Variants in HDAC9 observed in about 807,000 individuals in gnomAD.
HDAC9 encodes histone deacetylase 9, also known as MEF-2 interacting transcription repressor (MITR) protein.
Under a neutral mutation model 139.4 loss-of-function variants are expected in HDAC9, and 41 were observed. The ratio of observed to expected loss-of-function variants is 0.29; its 90% CI spans 0.23 to 0.38. HDAC9 has a LOEUF of 0.38. HDAC9 is among the 10% of genes least tolerant of loss of function. HDAC9 has a pLI of 1.00. For missense variants in HDAC9, 1,147 were observed against 1,297.0 expected (o/e 0.88, Z 1.78); for synonymous variants, 517 against 476.2 (o/e 1.09, Z -1.12).
intron 22 of HDAC9, among the ~76,000 whole-genome samples, chr7:18,931,616 A>C (rs1804750762): frequency 6.6e-6 from 1 of 152,160 alleles, no homozygotes; most frequent in Admixed American, 6.5e-5. Context: ...AGAAGGGAAA[A>C]TCTAGGCAGT....
chr7:18,268,918 C>G lies in HDAC9; in HGVS notation c.25+106569C>G, dbSNP rs527279246. ...AAAACAATTGAATAGCTTTTATTGCCACCAGCTGTGCTGTGGTTATTTGAA... is the reference window on the plus strand; with the variant it reads ...AAAACAATTGAATAGCTTTTATTGCGACCAGCTGTGCTGTGGTTATTTGAA... On this transcript the variant is annotated intron_variant, in intron 2 of 12. Coordinates refer to the HDAC9 transcript ENST00000417496. Among the ~76,000 whole-genome samples the G allele has an allele frequency of 8.5e-5, 13 of 152,252 alleles. No homozygotes were observed. In the South Asian group the frequency reaches 1.2e-3, roughly 15 times the overall value.
In HDAC9 at chr7:18,901,885, A is replaced by C. The variant is rs1348144353; in HGVS notation, c.2803+27289A>C. Among the ~76,000 whole-genome samples, 3 of 152,150 alleles carry C rather than the reference A, an allele frequency of 2.0e-5. No homozygotes were observed. The South Asian group carries it at 6.2e-4, about 32-fold the overall frequency. ...TTTTTATTTGTCCCAAGAGTATGTC[A>C]TATTATTATTTTATGCCAGATTCAA... On this transcript the variant is annotated intron_variant, in intron 22 of 25. Transcript: ENST00000686413.
At chr7:18,822,536 G>A (rs1434079921) in intron 17 of HDAC9, among the ~76,000 whole-genome samples, 1 of 151,968 alleles carries the variant, frequency 6.6e-6, no homozygotes, top group Non-Finnish European at 1.5e-5. Flanking sequence ...TGTGTTTTTA[G>A]TAGAGATGAG....
chr7:18,204,220 GTGGT>G, intron 2 of HDAC9, among the ~76,000 whole-genome samples: 1 of 152,086 alleles, frequency 6.6e-6, no homozygotes, highest in East Asian at 1.9e-4. Flanking sequence ...TCCTTCAGGA[GTGGT>G]TGTTTGATAA....
chr7:18,258,091 T>A (rs2128204913), intron 2 of HDAC9, among the ~76,000 whole-genome samples: 1 of 152,362 alleles, frequency 6.6e-6, no homozygotes, highest in East Asian at 1.9e-4. Flanking sequence ...GAATCATATT[T>A]CCCTTAACTG....
chr7:18,661,834 C>G (rs998234459), intron 11 of HDAC9, among the ~76,000 whole-genome samples: 1 of 152,010 alleles, frequency 6.6e-6, no homozygotes, highest in African/African-American at 2.4e-5. Context: ...AAGAAACTGA[C>G]CGGAACAAAT....
chr7:18,270,920 TTTA>T (rs1379927370), intron 2 of HDAC9, among the ~76,000 whole-genome samples: 2 of 152,154 alleles, frequency 1.3e-5, no homozygotes, highest in Non-Finnish European at 2.9e-5. Flanking sequence ...TCCCTTTAAT[TTTA>T]TTATTCGATT....
chr7:18,310,076 C>T (rs545318073), intron 1 of HDAC9, among the ~76,000 whole-genome samples: 1 of 147,680 alleles, frequency 6.8e-6, no homozygotes, highest in Non-Finnish European at 1.5e-5. Flanking sequence ...TTCAGATGCA[C>T]ACTTTAGCTT....
chr7:18,920,268 G>C (rs1452505272), intron 22 of HDAC9, among the ~76,000 whole-genome samples: 1 of 152,102 alleles, frequency 6.6e-6, no homozygotes, highest in Non-Finnish European at 1.5e-5. Flanking sequence ...AATTGTGAAT[G>C]GGAGTTCACT....
chr7:18,602,714 G>C (rs1400791121), intron 6 of HDAC9, among the ~76,000 whole-genome samples: 1 of 151,668 alleles, frequency 6.6e-6, no homozygotes, highest in African/African-American at 2.4e-5. Context: ...GTTTTATTTA[G>C]AGTCATGTTA....
intron 1 of HDAC9, among the ~76,000 whole-genome samples, chr7:18,487,981 G>C (rs1378647390): frequency 1.3e-5 from 2 of 151,992 alleles, no homozygotes; most frequent in African/African-American, 2.4e-5. Flanking sequence ...TTGGTGTTCA[G>C]AATTTCCAAG....
intron 14 of HDAC9, among the ~76,000 whole-genome samples, chr7:18,754,359 C>T (rs375505343): frequency 4.6e-5 from 7 of 152,054 alleles, no homozygotes; most frequent in African/African-American, 1.7e-4. Flanking sequence ...ATGTGCTCTT[C>T]TGTGGTCAAA....
intron 23 of HDAC9, among the ~76,000 whole-genome samples, chr7:18,936,168 G>T (rs891035442): frequency 6.6e-6 from 1 of 152,106 alleles, no homozygotes; most frequent in Non-Finnish European, 1.5e-5. Flanking sequence ...GTTAGCCATG[G>T]AGCTCAAAAA....
chr7:18,993,803 A>G (rs1786218119), intron 25 of HDAC9, among the ~76,000 whole-genome samples: 1 of 152,188 alleles, frequency 6.6e-6, no homozygotes, highest in Non-Finnish European at 1.5e-5. Context: ...ACCCTGTCTC[A>G]AAAATACATA....
intron 2 of HDAC9, among the ~76,000 whole-genome samples, chr7:18,232,306 T>C (rs1793517065): frequency 6.6e-6 from 1 of 152,034 alleles, no homozygotes; most frequent in Non-Finnish European, 1.5e-5. Flanking sequence ...GTAATTAATA[T>C]GGGGTGTAAT....
intron 1 of HDAC9, among the ~76,000 whole-genome samples, chr7:18,387,955 A>G (rs1786097524): frequency 6.6e-6 from 1 of 151,554 alleles, no homozygotes; most frequent in Admixed American, 6.6e-5. Context: ...AAAAAAAAAG[A>G]AAAAAGCTTT....
chr7:18,839,404 A>C (rs1201235390), intron 21 of HDAC9, among the ~76,000 whole-genome samples: 2 of 152,070 alleles, frequency 1.3e-5, no homozygotes, highest in Admixed American at 1.3e-4. Flanking sequence ...GGAGTAATAA[A>C]GCACAGTGAC....
At chr7:18,465,017 G>A (rs1305232149) in intron 1 of HDAC9, among the ~76,000 whole-genome samples, 1 of 151,858 alleles carries the variant, frequency 6.6e-6, no homozygotes, top group Non-Finnish European at 1.5e-5. Context: ...GATATTTTGG[G>A]CACTTAGGAT....
chr7:18,150,699 A>G (rs1786715085), intron 1 of HDAC9, among the ~76,000 whole-genome samples: 1 of 152,174 alleles, frequency 6.6e-6, no homozygotes, highest in South Asian at 2.1e-4. Context: ...TCTCTGTTCC[A>G]ACACTGCTAC....
Sources: gnomAD v4.1 joint callset for allele counts (sites outside exome capture counted in the v4.1 genomes callset) on GRCh38, gnomAD v4.1.1 for gene constraint, MANE v1.5 for transcripts, NCBI Gene and HGNC (gene_info 2026-07-23, HGNC 2026-07-21) for gene names.